The following PEX14 variants were observed in gnomAD, a reference collection of about 807,000 sequenced individuals.
PEX14 encodes peroxisomal membrane protein PEX14.
In PEX14, 15 loss-of-function variants were observed where a neutral mutation model predicts 49.5. That is an observed-to-expected ratio of 0.30 (90% CI 0.20 to 0.47). The LOEUF (loss-of-function observed/expected upper bound fraction) is 0.47. Among genes scored for constraint, PEX14 ranks in the 20% least tolerant of loss-of-function variants. The pLI, the probability that PEX14 is intolerant of heterozygous loss-of-function variation, is 1.00. For synonymous variants in PEX14, 210 were observed against 212.7 expected (o/e 0.99, Z 0.11); for missense variants, 398 against 494.8 (o/e 0.80, Z 1.86).
At chr1:10,509,844 C>A (rs377453170) in intron 2 of PEX14, among the ~76,000 whole-genome samples, 1 of 152,078 alleles carries the variant, frequency 6.6e-6, no homozygotes, top group African/African-American at 2.4e-5. Context: ...TATTCTTTTA[C>A]GCTTTATTTT....
chr1:10,621,927 T>C (rs539487073), intron 5 of PEX14, among the ~76,000 whole-genome samples: 1 of 152,186 alleles, frequency 6.6e-6, no homozygotes, highest in East Asian at 1.9e-4. Flanking sequence ...TGGGCCCAGA[T>C]AGATTAAGAA....
intron 3 of PEX14, among the ~76,000 whole-genome samples, chr1:10,588,641 C>T (rs1378055391): frequency 6.6e-6 from 1 of 152,194 alleles, no homozygotes; most frequent in Non-Finnish European, 1.5e-5. Flanking sequence ...CTTATCCATG[C>T]TGTGGACGCC....
intron 1 of PEX14, among the ~76,000 whole-genome samples, chr1:10,483,604 T>C (rs1214191011): frequency 6.6e-6 from 1 of 151,854 alleles, no homozygotes; most frequent in Non-Finnish European, 1.5e-5. Flanking sequence ...CGTGAGCCAC[T>C]GCGCCTGGCC....
intron 3 of PEX14, among the ~76,000 whole-genome samples, chr1:10,595,420 A>C (rs1323815654): frequency 1.3e-5 from 2 of 152,180 alleles, no homozygotes; most frequent in Non-Finnish European, 2.9e-5. Flanking sequence ...ATTCTCTATC[A>C]ATAATATATT....
intron 7 of PEX14, among the ~76,000 whole-genome samples, chr1:10,625,873 C>T (rs284304): frequency 0.18 from 28,087 of 152,170 alleles, 2,974 homozygotes; most frequent in African/African-American, 0.28. Context: ...CAGAGTCCCT[C>T]GAGCTGGCTT....
At chr1:10,506,095 A>G (rs971907007) in intron 2 of PEX14, among the ~76,000 whole-genome samples, 2 of 152,088 alleles carry the variant, frequency 1.3e-5, no homozygotes, top group African/African-American at 4.8e-5. Flanking sequence ...TTTGGGTCCC[A>G]TGGAACGTAC....
chr1:10,558,753 A>AAAAG (rs1557844100), intron 3 of PEX14, among the ~76,000 whole-genome samples: 8 of 151,580 alleles, frequency 5.3e-5, no homozygotes, highest in Non-Finnish European at 1.0e-4. Flanking sequence ...AAAAAAAAAA[A>AAAAG]AAAGAAAGAA....
chr1:10,498,630 C>T (rs1641611935), intron 2 of PEX14, among the ~76,000 whole-genome samples: 1 of 152,154 alleles, frequency 6.6e-6, no homozygotes, highest in Admixed American at 6.5e-5. Context: ...TCGATCCTGG[C>T]CTCCAAATCA....
intron 1 of PEX14, among the ~76,000 whole-genome samples, chr1:10,477,820 C>T (rs1641221044): frequency 6.6e-6 from 1 of 152,174 alleles, no homozygotes; most frequent in African/African-American, 2.4e-5. Flanking sequence ...TTAATTTCTC[C>T]ATGTGCAAAA....
rs147088377 is a variant in PEX14 at position 10,563,328 on chromosome 1, G to A, written c.169+27031G>A. Among the ~76,000 whole-genome samples the A allele has an allele frequency of 6.5e-3, 969 of 149,226 alleles. 9 individuals carry two copies. Among genetic ancestry groups the A allele is most frequent in the South Asian group, 0.043 (197 of 4,610 alleles). On this transcript the variant is annotated intron_variant, in intron 3 of 8. Transcript: ENST00000356607. ...AAAAATGTTATTTCAGGCCGGGCGC[G>A]GTTGCTCACGCCTGTAATCCCAGCA...
At chr1:10,616,868 C>G (rs1294990540) in intron 4 of PEX14, 1 of 152,216 alleles carries the variant, frequency 6.6e-6, no homozygotes, top group African/African-American at 2.4e-5. Context: ...TGTAGTCCAT[C>G]TGCTTGGGAG....
Position 10,494,435 on chromosome 1 carries a change from A to G in PEX14, c.37-839A>G, listed in dbSNP as rs889218371. Among the ~76,000 whole-genome samples, 1 of 152,234 alleles carries G rather than the reference A, an allele frequency of 6.6e-6. No individual in the cohort carries two copies. Among genetic ancestry groups the G allele is most frequent in the Non-Finnish European group, 1.5e-5 (1 of 68,044 alleles). On this transcript the variant is annotated intron_variant, in intron 1 of 8. Transcript: ENST00000356607. This position sits in a 1 kb window ranked among gnomAD's most constrained non-coding sequence, Gnocchi z 4.3. ...GTAAACTAATCATAGCTCACTTAGC[A>G]GCATACCTGCTTACTTTATTCTTTT...
chr1:10,499,668 G>T (rs570028248), intron 2 of PEX14, among the ~76,000 whole-genome samples: 102 of 152,022 alleles, frequency 6.7e-4, no homozygotes, highest in African/African-American at 2.3e-3. Flanking sequence ...AGGATGGTCT[G>T]GATCTCCTGA....
intron 2 of PEX14, among the ~76,000 whole-genome samples, chr1:10,501,585 G>C (rs917970122): frequency 6.6e-6 from 1 of 152,094 alleles, no homozygotes; most frequent in African/African-American, 2.4e-5. Context: ...ACAGGCGTGA[G>C]CCACCGCGCC....
At chr1:10,537,342 C>CCG (rs1553187427) in intron 3 of PEX14, among the ~76,000 whole-genome samples, 4 of 18,110 alleles carry the variant, frequency 2.2e-4, no homozygotes, top group Non-Finnish European at 6.4e-4. Flanking sequence ...TGTGCCAGCA[C>CCG]CCCCCCCCCC....
rs1210841163 is a variant in PEX14 at position 10,627,306 on chromosome 1, A to G, written c.620A>G (p.Gln207Arg). ...TTSTNWILES[Q>R]NINELKSEIN... is the part of the protein sequence containing the mutation. ...TCCACCAACTGGATCCTGGAGTCCC[A>G]GAATATCAACGAACTCAAGTCCGAA... The change falls in exon 8 of 9, where the codon CAG (glutamine) becomes CGG (arginine). Residue 207 changes from glutamine to arginine, a missense_variant. Around this residue, in one of 3 missense-constraint regions of PEX14, gnomAD observed 202 missense variants for 298.5 expected, o/e 0.68. Transcript: ENST00000356607. The G allele has an allele frequency of 1.9e-6, 3 of 1,613,762 alleles. No individual in the cohort carries two copies. Among genetic ancestry groups the G allele is most frequent in the Admixed American group, 1.7e-5 (1 of 60,014 alleles).
intron 2 of PEX14, among the ~76,000 whole-genome samples, chr1:10,533,268 G>A (rs1159044376): frequency 1.6e-4 from 25 of 151,844 alleles, no homozygotes; most frequent in Admixed American, 1.6e-3. Context: ...TTTGCCTGTC[G>A]CCTGCATTTT....
At chr1:10,547,128 A>AT (rs1639200418) in intron 3 of PEX14, among the ~76,000 whole-genome samples, 1 of 152,152 alleles carries the variant, frequency 6.6e-6, no homozygotes, top group Non-Finnish European at 1.5e-5. Context: ...TGCTGCCCCC[A>AT]CTGCAAGTGT....
At chr1:10,568,960 G>A (rs1391219163) in intron 3 of PEX14, among the ~76,000 whole-genome samples, 1 of 151,968 alleles carries the variant, frequency 6.6e-6, no homozygotes, top group Non-Finnish European at 1.5e-5. Flanking sequence ...GGCTGGTCTC[G>A]AACTCCTGAC....
Sources: allele counts gnomAD v4.1 joint callset (sites outside exome capture counted in the v4.1 genomes callset), GRCh38; gene constraint gnomAD v4.1.1; regional missense constraint gnomAD v4.1.1; non-coding constraint Gnocchi (gnomAD v3.1); transcripts MANE v1.5; gene names NCBI Gene and HGNC (gene_info 2026-07-23, HGNC 2026-07-21).